Variants in WDFY4 observed in about 807,000 individuals in gnomAD.
The protein encoded by WDFY4 is WD repeat- and FYVE domain-containing protein 4.
WDFY4 carries 169 observed loss-of-function variants against 351.9 expected under a neutral mutation model. That is an observed-to-expected ratio of 0.48 (90% confidence interval 0.42 to 0.55). The LOEUF (loss-of-function observed/expected upper bound fraction) is 0.55. Among genes scored for constraint, WDFY4 ranks in the 20% least tolerant of loss-of-function variants. The pLI is 0.00. For missense variants in WDFY4, 3,803 were observed against 3,935.6 expected, an observed-to-expected ratio of 0.97 and a Z score of 0.90; for synonymous variants, 1,622 against 1,574.6, an observed-to-expected ratio of 1.03 and a Z score of -0.71.
chr10:48,685,525 G>A (rs1017707264), intron 1 of WDFY4, among the ~76,000 whole-genome samples: 1 of 152,196 alleles, frequency 6.6e-6, no homozygotes, highest in African/African-American at 2.4e-5. Context: ...TTACTCCACT[G>A]GGTTCTGGTA....
chr10:48,825,437 T>C (rs2067961235), intron 35 of WDFY4, among the ~76,000 whole-genome samples: 2 of 152,240 alleles, frequency 1.3e-5, no homozygotes, highest in Non-Finnish European at 2.9e-5. Context: ...CATGTATTTT[T>C]GTAACAGGAT....
Position 48,873,499 on chromosome 10 carries a change from A to G in WDFY4, c.6750A>G (p.Lys2250=), listed in dbSNP as rs2069866115. 1 of 1,548,908 alleles carries G rather than the reference A, an allele frequency of 6.5e-7. No homozygotes were observed. Among genetic ancestry groups the G allele is most frequent in the Non-Finnish European group, 8.7e-7 (1 of 1,145,764 alleles). Residue 2250 remains lysine, a synonymous_variant, in exon 41 of 62, where the codon AAA becomes AAG. Coordinates refer to ENST00000325239, the MANE Select transcript of WDFY4 (RefSeq NM_001394531.1). ...CTGTTTCTGCTCCCCAGAGGCGAAAATGTGGCAACATCAAGGCAGCCAACG... is the reference window on the plus strand; with the variant it reads ...CTGTTTCTGCTCCCCAGAGGCGAAAGTGTGGCAACATCAAGGCAGCCAACG... The part of the protein sequence containing the change: ...SLYKDHVQRR[K]CGNIKAANAW...
chr10:48,814,211 G>C (rs2067545721), intron 31 of WDFY4, 129 bp downstream of exon 31: 1 of 1,286,882 alleles, frequency 7.8e-7, no homozygotes, highest in Admixed American at 3.2e-5. Flanking sequence ...CTGTAGAAGA[G>C]GTGAGGTAAG....
chr10:48,699,929 C>T (rs2063432927), intron 1 of WDFY4, among the ~76,000 whole-genome samples: 2 of 152,158 alleles, frequency 1.3e-5, no homozygotes, highest in Admixed American at 6.5e-5. Flanking sequence ...TGCCTCCTCA[C>T]CTCCTGAGAA....
At chr10:48,848,571 C>T (rs907489577) in intron 39 of WDFY4, among the ~76,000 whole-genome samples, 7 of 152,154 alleles carry the variant, frequency 4.6e-5, no homozygotes, top group African/African-American at 1.7e-4. Flanking sequence ...TTACTCTGGG[C>T]AGGGGGTGAC....
At chr10:48,688,638 A>G (rs1473213668) in intron 1 of WDFY4, among the ~76,000 whole-genome samples, 1 of 152,178 alleles carries the variant, frequency 6.6e-6, no homozygotes, top group Admixed American at 6.5e-5. Context: ...TTAAACAAGA[A>G]TCATTTTAGG....
intron 43 of WDFY4, among the ~76,000 whole-genome samples, chr10:48,879,470 TAGG>T (rs2070160849): frequency 2.0e-5 from 3 of 152,356 alleles, no homozygotes; most frequent in Non-Finnish European, 2.9e-5. Flanking sequence ...ATTGCTTTAA[TAGG>T]AGAACAATGG....
At chr10:48,821,441 C>T (rs1410863565) in intron 34 of WDFY4, among the ~76,000 whole-genome samples, 3 of 152,226 alleles carry the variant, frequency 2.0e-5, no homozygotes, top group African/African-American at 4.8e-5. Context: ...AAAATCGGCT[C>T]TCCTGTAGCC....
intron 39 of WDFY4, among the ~76,000 whole-genome samples, chr10:48,853,823 T>TTA (rs1009864256): frequency 1.2e-4 from 18 of 152,198 alleles, no homozygotes; most frequent in Non-Finnish European, 1.5e-5. Context: ...ATTGACTGTG[T>TTA]TAGCTCATAG....
chr10:48,741,861 A>T (rs932618811), intron 11 of WDFY4, among the ~76,000 whole-genome samples: 3 of 152,180 alleles, frequency 2.0e-5, no homozygotes, highest in African/African-American at 7.2e-5. Context: ...GGAACCCACA[A>T]GGTTGTCCAC....
chr10:48,735,959 C>T lies in WDFY4; in HGVS notation c.1767C>T (p.Ser589=). ...AGTGCTACCGGGAGGCCTCGCTCAG[C>T]ATCTTGGAGCAGCTCTCAGCCATCA... ...DDECYREASL[S]ILEQLSAINA... Residue 589 remains serine, a synonymous_variant, in exon 11 of 62, where the codon AGC becomes AGT. Coordinates refer to ENST00000325239, the MANE Select transcript of WDFY4 (RefSeq NM_001394531.1). The T allele has an allele frequency of 6.4e-7, 1 of 1,551,818 alleles. No homozygotes were observed. Among genetic ancestry groups the T allele is most frequent in the East Asian group, 2.4e-5 (1 of 40,926 alleles).
At position 48,777,377 on chromosome 10, in the gene WDFY4, T is replaced by G. The variant is rs1469985620; in HGVS notation, c.3099-42T>G. ...GACTAGCTGTGTCAGTGCAAGAGAT[T>G]GGCTTGCAGTCCAATGATCTGAGAC... is the stretch of plus-strand genomic sequence containing the variant. On this transcript the variant is annotated intron_variant, in intron 16 of 61. Transcript: ENST00000325239. 3.9e-6 allele frequency: 6 copies of G among 1,526,088 alleles called. No individual in the cohort carries two copies. The South Asian group carries it at 6.0e-5, about 15-fold the overall frequency. 94.5% of individuals were successfully genotyped at this position (1,526,088 alleles called of 1,614,324 possible).
chr10:48,726,420 A>G (rs2064270020), intron 6 of WDFY4, among the ~76,000 whole-genome samples: 1 of 152,168 alleles, frequency 6.6e-6, no homozygotes, highest in Non-Finnish European at 1.5e-5. Flanking sequence ...GCCATTTTAG[A>G]ATGGGGAAAA....
intron 1 of WDFY4, among the ~76,000 whole-genome samples, chr10:48,700,038 G>A (rs994674303): frequency 2.6e-5 from 4 of 152,186 alleles, no homozygotes; most frequent in African/African-American, 9.7e-5. Flanking sequence ...ATCTGTTCAG[G>A]TGATGCTGAT....
chr10:48,742,928 C>T lies in WDFY4; in HGVS notation c.1879-40C>T, dbSNP rs1464304308. The T allele has an allele frequency of 6.0e-6, 9 of 1,508,450 alleles. No homozygotes were observed. In the African/African-American group the frequency reaches 6.9e-5, roughly 12 times the overall value. 93.4% of individuals were successfully genotyped at this position (1,508,450 alleles called of 1,614,324 possible). On this transcript the variant is annotated intron_variant, in intron 11 of 61. Coordinates refer to ENST00000325239, the MANE Select transcript of WDFY4 (RefSeq NM_001394531.1). ...GTGTGTGGGCTCAGGGTTAATCTAC[C>T]TCCTGGAGTGCACTCATTTTGATTT... is the stretch of plus-strand genomic sequence containing the variant.
At chr10:48,863,668 T>TTTA (rs2069425950) in intron 39 of WDFY4, among the ~76,000 whole-genome samples, 2 of 152,230 alleles carry the variant, frequency 1.3e-5, no homozygotes, top group African/African-American at 2.4e-5. Flanking sequence ...TCTAATAGTG[T>TTTA]CTTTCGAAGC....
chr10:48,877,695 T>C (rs2070079185), intron 43 of WDFY4, among the ~76,000 whole-genome samples: 1 of 152,166 alleles, frequency 6.6e-6, no homozygotes, highest in Non-Finnish European at 1.5e-5. Context: ...GTAAGCACAC[T>C]TGTGGCACCA....
rs1226228832 is a variant in WDFY4, at chr10:48,735,953, G to A, written c.1761G>A (p.Ser587=). ...ATGACGAGTGCTACCGGGAGGCCTC[G>A]CTCAGCATCTTGGAGCAGCTCTCAG... ...FLDDECYREA[S]LSILEQLSAI... is the part of the protein sequence containing the mutation. Residue 587 remains serine (S), a synonymous_variant, in exon 11 of 62, where the codon TCG becomes TCA. Transcript: ENST00000325239. 19 of 1,551,632 alleles carry A rather than the reference G, an allele frequency of 1.2e-5. No individual in the cohort carries two copies. In the East Asian group the frequency reaches 2.2e-4, roughly 18 times the overall value.
chr10:48,869,345 C>G (rs1485862437), intron 40 of WDFY4, among the ~76,000 whole-genome samples: 1 of 152,178 alleles, frequency 6.6e-6, no homozygotes, highest in Non-Finnish European at 1.5e-5. Flanking sequence ...CCCTTGCCCA[C>G]AGGGTGGCCA....
Sources: allele counts gnomAD v4.1 joint callset (sites outside exome capture counted in the v4.1 genomes callset), GRCh38; gene constraint gnomAD v4.1.1; transcripts MANE v1.5; gene names NCBI Gene and HGNC (gene_info 2026-07-23, HGNC 2026-07-21).